The following DLG2 variants were observed in gnomAD, a reference collection of about 807,000 sequenced individuals.
DLG2 encodes discs large MAGUK scaffold protein 2, also known as disks large homolog 2.
In DLG2, 45 loss-of-function variants were observed where a neutral mutation model predicts 132.5. The observed-to-expected ratio is 0.34, with a 90% CI of 0.27 to 0.44. DLG2 has a LOEUF of 0.44. Ranked by LOEUF, DLG2 falls within the 20% of genes least tolerant of loss-of-function variation. The pLI is 1.00. For missense variants in DLG2, 1,045 were observed against 1,196.9 expected (o/e 0.87, Z 1.87); for synonymous variants, 424 against 419.6 (o/e 1.01, Z -0.13).
chr11:83,790,423 G>A (rs1432251444), intron 17 of DLG2: 2 of 1,063,298 alleles, frequency 1.9e-6, no homozygotes, highest in Admixed American at 1.8e-5. Context: ...TTGGTCCCCA[G>A]TACCATCCTT....
intron 18 of DLG2, among the ~76,000 whole-genome samples, chr11:83,713,180 A>G (rs886378769): frequency 6.6e-6 from 1 of 152,168 alleles, no homozygotes; most frequent in African/African-American, 2.4e-5. Context: ...TGATAAATAA[A>G]TTGTCTGAAG....
intron 6 of DLG2, among the ~76,000 whole-genome samples, chr11:84,975,000 G>T (rs2054666276): frequency 6.6e-6 from 1 of 152,176 alleles, no homozygotes; most frequent in Non-Finnish European, 1.5e-5. Flanking sequence ...CAAGGACATT[G>T]TAACTCAATA....
At chr11:85,416,877 G>C (rs558230721) in intron 3 of DLG2, among the ~76,000 whole-genome samples, 1 of 152,270 alleles carries the variant, frequency 6.6e-6, no homozygotes, top group African/African-American at 2.4e-5. Flanking sequence ...ATACAATAAT[G>C]TCATCTGCAA....
intron 19 of DLG2, among the ~76,000 whole-genome samples, chr11:83,617,779 A>T (rs558926597): frequency 1.3e-5 from 2 of 152,270 alleles, no homozygotes; most frequent in South Asian, 4.1e-4. Flanking sequence ...TGGGAGGATC[A>T]CTTGTGGCCA....
intron 3 of DLG2, among the ~76,000 whole-genome samples, chr11:85,285,933 A>G (rs570714376): frequency 1.3e-5 from 2 of 152,166 alleles, no homozygotes; most frequent in South Asian, 2.1e-4. Flanking sequence ...AAAGAACTCA[A>G]TAGCACAAAA....
At chr11:83,820,169 T>C (rs2050358729) in intron 17 of DLG2, among the ~76,000 whole-genome samples, 1 of 152,100 alleles carries the variant, frequency 6.6e-6, no homozygotes, top group Non-Finnish European at 1.5e-5. Context: ...TAGGAAATAA[T>C]CCCAGTCACT....
chr11:83,872,905 C>T (rs1291822514), intron 16 of DLG2, among the ~76,000 whole-genome samples: 6 of 152,204 alleles, frequency 3.9e-5, no homozygotes, highest in Non-Finnish European at 8.8e-5. Context: ...CTGCAAACAA[C>T]ACCTCAGCTA....
At chr11:84,803,308 C>G (rs1338329473) in intron 6 of DLG2, among the ~76,000 whole-genome samples, 1 of 152,166 alleles carries the variant, frequency 6.6e-6, no homozygotes, top group Non-Finnish European at 1.5e-5. Context: ...ACCATCCAAT[C>G]AATTTATCAC....
At chr11:85,008,102 T>C (rs1166039838) in intron 6 of DLG2, among the ~76,000 whole-genome samples, 1 of 152,176 alleles carries the variant, frequency 6.6e-6, no homozygotes. Context: ...AACTATTATA[T>C]AAATAGCATT....
At position 84,266,966 on chromosome 11, in the gene DLG2, T is replaced by G. The variant is rs528816230; in HGVS notation, c.520-15675A>C. Among the ~76,000 whole-genome samples, 80 of 152,342 alleles carry G rather than the reference T, an allele frequency of 5.3e-4. 1 individual carries two copies. In the South Asian group the frequency reaches 0.016, roughly 30 times the overall value. On this transcript the variant is annotated intron_variant, in intron 7 of 27. Coordinates refer to ENST00000376104, the MANE Select transcript of DLG2 (RefSeq NM_001142699.3). ...GTGCATAGTCTTGCCCTGCAAGGAA[T>G]TCATAATGTCATGTGGAGATAAAAG...
chr11:85,273,377 G>C (rs185042607), intron 4 of DLG2, among the ~76,000 whole-genome samples: 267 of 152,162 alleles, frequency 1.8e-3, no homozygotes, highest in African/African-American at 6.1e-3. Context: ...CTAATATCCA[G>C]AATCTACAAA....
At chr11:84,728,108 C>G (rs1041059783) in intron 6 of DLG2, among the ~76,000 whole-genome samples, 1 of 152,126 alleles carries the variant, frequency 6.6e-6, no homozygotes, top group African/African-American at 2.4e-5. Flanking sequence ...TTGCCCTGGC[C>G]AGAACTTCCA....
chr11:83,592,056 G>T (rs1225913), intron 19 of DLG2, among the ~76,000 whole-genome samples: 46,273 of 140,248 alleles, frequency 0.33, 5,984 homozygotes, highest in Admixed American at 0.43. Context: ...TCGTGAAAAT[G>T]GCCATACTGC....
At chr11:83,634,352 T>C (rs1465546266) in intron 18 of DLG2, among the ~76,000 whole-genome samples, 2 of 152,132 alleles carry the variant, frequency 1.3e-5, no homozygotes, top group Admixed American at 6.5e-5. Context: ...ATTAACACAA[T>C]GAACATGTAA....
intron 18 of DLG2, among the ~76,000 whole-genome samples, chr11:83,639,941 T>G (rs2065989753): frequency 6.6e-6 from 1 of 152,058 alleles, no homozygotes. Flanking sequence ...AGACTCAAAA[T>G]GAGATTTGAC....
At chr11:85,240,043 T>A (rs1171911517) in intron 4 of DLG2, among the ~76,000 whole-genome samples, 1 of 151,918 alleles carries the variant, frequency 6.6e-6, no homozygotes, top group African/African-American at 2.4e-5. Context: ...CTATTCTACA[T>A]CTCCTTCTTT....
At chr11:83,687,690 T>G (rs1389367940) in intron 18 of DLG2, among the ~76,000 whole-genome samples, 6 of 152,276 alleles carry the variant, frequency 3.9e-5, no homozygotes, top group Admixed American at 3.3e-4. Flanking sequence ...AAGTTGGCAA[T>G]TCTGTGGCCT....
At chr11:83,974,068 T>C (rs77093335) in intron 12 of DLG2, among the ~76,000 whole-genome samples, 6,471 of 152,178 alleles carry the variant, frequency 0.043, 198 homozygotes, top group Non-Finnish European at 0.067. Context: ...AGGCAAAAGA[T>C]CTTTTCAAGA....
At chr11:84,325,732 G>C (rs1193743164) in intron 7 of DLG2, among the ~76,000 whole-genome samples, 1 of 151,892 alleles carries the variant, frequency 6.6e-6, no homozygotes, top group African/African-American at 2.4e-5. Flanking sequence ...TTTTTTTCTA[G>C]CTTTAGCATC....
Sources: gnomAD v4.1 joint callset for allele counts (sites outside exome capture counted in the v4.1 genomes callset) on GRCh38, gnomAD v4.1.1 for gene constraint, MANE v1.5 for transcripts, NCBI Gene and HGNC (gene_info 2026-07-23, HGNC 2026-07-21) for gene names.